AKAP19: variants seen among roughly 807,000 people sequenced by gnomAD.
AKAP19 encodes small A-kinase anchoring protein.
chr2:190,163,459 A>C, the AKAP19 span, among the ~76,000 whole-genome samples: 83 of 150,300 alleles, frequency 5.5e-4, 1 homozygote, highest in East Asian at 4.5e-3. Flanking sequence ...AAAAAACAAA[A>C]AAAAAAAAAA....
the AKAP19 span, among the ~76,000 whole-genome samples, chr2:189,997,568 G>T: frequency 6.6e-6 from 1 of 152,234 alleles, no homozygotes; most frequent in Non-Finnish European, 1.5e-5. Context: ...GTAGTGATAG[G>T]CCTCACCCAG....
chr2:189,891,724 C>T, the AKAP19 span, among the ~76,000 whole-genome samples: 1 of 151,996 alleles, frequency 6.6e-6, no homozygotes, highest in Admixed American at 6.5e-5. Context: ...GGTTGCTGTT[C>T]TCAAGGTGTA....
At chr2:190,195,980 T>TTTGTTCCA in the AKAP19 span, among the ~76,000 whole-genome samples, 3 of 150,778 alleles carry the variant, frequency 2.0e-5, no homozygotes. Context: ...GGATGATTTG[T>TTTGTTCCA]TTGTTCCAGC....
chr2:190,051,822 T>TTTTATTTATTTATTTATTTA, the AKAP19 span, among the ~76,000 whole-genome samples: 1,864 of 149,650 alleles, frequency 0.012, 76 homozygotes, highest in East Asian at 0.13. Flanking sequence ...TTTTTTTATT[T>TTTTATTTATTTATTTATTTA]TTTATTTATT....
chr2:190,130,330 A>C, the AKAP19 span, among the ~76,000 whole-genome samples: 1 of 152,192 alleles, frequency 6.6e-6, no homozygotes, highest in Non-Finnish European at 1.5e-5. Flanking sequence ...CTGCAATTGA[A>C]AGTTAGATGT....
chr2:190,171,902 G>T, the AKAP19 span, among the ~76,000 whole-genome samples: 1 of 152,106 alleles, frequency 6.6e-6, no homozygotes, highest in Admixed American at 6.5e-5. Context: ...ATTGGTTCAT[G>T]CCACTGATCT....
At chr2:190,091,881 C>T in the AKAP19 span, among the ~76,000 whole-genome samples, 1 of 151,940 alleles carries the variant, frequency 6.6e-6, no homozygotes, top group South Asian at 2.1e-4. Flanking sequence ...AAAGCCAAAA[C>T]TAAAAATCAC....
the AKAP19 span, among the ~76,000 whole-genome samples, chr2:190,018,017 G>T: frequency 6.6e-6 from 1 of 152,100 alleles, no homozygotes; most frequent in Non-Finnish European, 1.5e-5. Context: ...TCTGCTGATA[G>T]CTTTATTTGA....
chr2:190,180,482 T>C, the AKAP19 span: 1 of 985,420 alleles, frequency 1.0e-6, no homozygotes, highest in African/African-American at 1.7e-5. The surrounding 1 kb of genome is among the most constrained non-coding windows in gnomAD (Gnocchi z 6.8). Context: ...TGGCTCTTAC[T>C]TTCATTGACC....
chr2:190,086,811 A>G, the AKAP19 span, among the ~76,000 whole-genome samples: 3 of 152,186 alleles, frequency 2.0e-5, no homozygotes, highest in African/African-American at 7.2e-5. Flanking sequence ...TCTGTTTTGT[A>G]GTACCACCAC....
At chr2:190,087,482 G>T in the AKAP19 span, among the ~76,000 whole-genome samples, 1 of 152,196 alleles carries the variant, frequency 6.6e-6, no homozygotes, top group East Asian at 1.9e-4. Context: ...CTGAGAATCT[G>T]TTTTACAGTG....
At chr2:189,918,042 T>C in the AKAP19 span, among the ~76,000 whole-genome samples, 1 of 152,060 alleles carries the variant, frequency 6.6e-6, no homozygotes, top group South Asian at 2.1e-4. Context: ...AGTGTTGTCA[T>C]TTTACTAGTT....
chr2:190,085,633 CT>C, the AKAP19 span, among the ~76,000 whole-genome samples: 1 of 152,300 alleles, frequency 6.6e-6, no homozygotes, highest in Admixed American at 6.5e-5. Context: ...CCCCTTCCCC[CT>C]GAACAACTTA....
the AKAP19 span, among the ~76,000 whole-genome samples, chr2:190,130,069 A>G: frequency 2.0e-5 from 3 of 152,288 alleles, no homozygotes; most frequent in East Asian, 3.9e-4. Context: ...CCAATTTTTC[A>G]TATTAGAGAT....
chr2:189,970,208 CAT>C, the AKAP19 span, among the ~76,000 whole-genome samples: 4 of 152,134 alleles, frequency 2.6e-5, no homozygotes, highest in African/African-American at 9.6e-5. Flanking sequence ...GTATATGTAG[CAT>C]ATGTCTATAG....
chr2:189,926,725 C>T, the AKAP19 span, among the ~76,000 whole-genome samples: 1 of 150,456 alleles, frequency 6.6e-6, no homozygotes, highest in Non-Finnish European at 1.5e-5. Context: ...GGGCTACAGG[C>T]GCCCGCCACC....
chr2:190,140,965 C>T, the AKAP19 span, among the ~76,000 whole-genome samples: 5 of 152,196 alleles, frequency 3.3e-5, no homozygotes, highest in Admixed American at 1.3e-4. Context: ...CGTCATCTCT[C>T]CCAAGTTCAA....
At chr2:190,192,007 C>T in the AKAP19 span, among the ~76,000 whole-genome samples, 1 of 151,290 alleles carries the variant, frequency 6.6e-6, no homozygotes, top group South Asian at 2.1e-4. Context: ...ATGGTTCATG[C>T]TTTTGGTATC....
the AKAP19 span, chr2:190,055,784 A>T: frequency 6.6e-6 from 1 of 152,202 alleles, no homozygotes; most frequent in East Asian, 1.9e-4. Flanking sequence ...TCATTTAGTC[A>T]TAGTACAATA....
Sources: allele counts gnomAD v4.1 joint callset (sites outside exome capture counted in the v4.1 genomes callset), GRCh38; gene constraint gnomAD v4.1.1; non-coding constraint Gnocchi (gnomAD v3.1); transcripts MANE v1.5; gene names NCBI Gene and HGNC (gene_info 2026-07-23, HGNC 2026-07-21).